The following HPSE2 variants were observed in gnomAD, a reference collection of about 807,000 sequenced individuals.
HPSE2 encodes inactive heparanase-2.
HPSE2 carries 38 observed loss-of-function variants against 60.5 expected under a neutral mutation model. The observed-to-expected ratio is 0.63, with a 90% CI of 0.48 to 0.82. The LOEUF is 0.82. Among genes scored for constraint, HPSE2 ranks in the 40% least tolerant of loss-of-function variants. HPSE2 has a pLI of 0.00. For missense variants in HPSE2, 713 were observed against 740.4 expected, an observed-to-expected ratio of 0.96 and a Z score of 0.43; for synonymous variants, 295 against 293.2, an observed-to-expected ratio of 1.01 and a Z score of -0.06.
At chr10:98,490,337 T>C in intron 9 of HPSE2, 141 bp from the exon 10 acceptor site, 1 of 1,066,624 alleles carries the variant, frequency 9.4e-7, no homozygotes, top group East Asian at 2.5e-5. Flanking sequence ...TCATGACCAA[T>C]GCAGCCCTAA....
chr10:98,486,013 C>T (rs1224678937), intron 10 of HPSE2, among the ~76,000 whole-genome samples: 2 of 152,106 alleles, frequency 1.3e-5, no homozygotes, highest in Non-Finnish European at 2.9e-5. Flanking sequence ...ACATAGTTCC[C>T]CTGGGGAAGA....
intron 3 of HPSE2, among the ~76,000 whole-genome samples, chr10:98,984,428 G>C (rs1337209634): frequency 2.0e-5 from 3 of 152,184 alleles, no homozygotes; most frequent in African/African-American, 7.2e-5. Context: ...TGCAGCTGAG[G>C]GTCCTGACTC....
chr10:98,739,731 T>C (rs1164768082), intron 4 of HPSE2, among the ~76,000 whole-genome samples: 1 of 152,216 alleles, frequency 6.6e-6, no homozygotes, highest in African/African-American at 2.4e-5. Context: ...TATGAATATA[T>C]AATATTGATT....
intron 3 of HPSE2, among the ~76,000 whole-genome samples, chr10:98,984,756 G>A (rs1190829399): frequency 6.6e-6 from 1 of 152,130 alleles, no homozygotes; most frequent in African/African-American, 2.4e-5. Context: ...AAGATTAGAG[G>A]AATGGCTAAC....
At position 98,935,839 on chromosome 10, in the gene HPSE2, G is replaced by A. The variant is rs376401665; in HGVS notation, c.611-191783C>T. ...TGTGCTGGGGGAAATCCCCCTCTTC[G>A]GAATCAGCCAATCTTTTCAGAGCCA... is the stretch of plus-strand genomic sequence containing the variant. On this transcript the variant is annotated intron_variant, in intron 3 of 11. Transcript: ENST00000370552. Among the ~76,000 whole-genome samples, 116 of 144,870 alleles carry A rather than the reference G, an allele frequency of 8.0e-4. 13 individuals are homozygous for A. In the East Asian group the frequency reaches 0.012, roughly 16 times the overall value.
At chr10:98,672,768 A>G (rs1366432748) in intron 6 of HPSE2, among the ~76,000 whole-genome samples, 1 of 152,214 alleles carries the variant, frequency 6.6e-6, no homozygotes. Flanking sequence ...GGAAAAATGT[A>G]AACAGCTCTT....
intron 5 of HPSE2, among the ~76,000 whole-genome samples, chr10:98,700,414 A>G (rs1165624517): frequency 7.0e-6 from 1 of 143,138 alleles, no homozygotes; most frequent in African/African-American, 2.5e-5. Flanking sequence ...TATTTAATAA[A>G]TGGTGCTGGG....
intron 3 of HPSE2, among the ~76,000 whole-genome samples, chr10:99,134,376 C>A (rs1845561843): frequency 6.6e-6 from 1 of 152,144 alleles, no homozygotes. Context: ...GAGAACACTA[C>A]AAAGATGCTC....
chr10:98,951,722 A>T (rs1244811438), intron 3 of HPSE2, among the ~76,000 whole-genome samples: 1 of 152,106 alleles, frequency 6.6e-6, no homozygotes, highest in Non-Finnish European at 1.5e-5. Flanking sequence ...TCATACTCAT[A>T]AGCTCCCCAA....
rs541920224 is a variant in HPSE2, at chr10:99,217,192, T to C, written c.448+15156A>G. ...CTCTTGCTACCATAAGTAGTAACAT[T>C]AGTATCTAGTAGCAAGCTTTGCTGT... is the stretch of plus-strand genomic sequence containing the variant. On this transcript the variant is annotated intron_variant, in intron 2 of 11. Coordinates refer to ENST00000370552, the MANE Select transcript of HPSE2 (RefSeq NM_021828.5). Among the ~76,000 whole-genome samples the C allele has an allele frequency of 4.4e-4, 66 of 150,554 alleles. 1 individual carries two copies. Among genetic ancestry groups the C allele is most frequent in the Middle Eastern group, 3.4e-3 (1 of 294 alleles).
chr10:99,307,759 A>C, the HPSE2 span, among the ~76,000 whole-genome samples: 1 of 151,830 alleles, frequency 6.6e-6, no homozygotes, highest in East Asian at 1.9e-4. Flanking sequence ...TGAATTTGAG[A>C]ATCTCTGAAT....
chr10:99,024,191 T>C (rs1957326683), intron 3 of HPSE2, among the ~76,000 whole-genome samples: 1 of 151,960 alleles, frequency 6.6e-6, no homozygotes. Flanking sequence ...AGCTGAAAAA[T>C]GCAATTGGTA....
chr10:99,075,842 C>T (rs1247480723), intron 3 of HPSE2, among the ~76,000 whole-genome samples: 1 of 152,074 alleles, frequency 6.6e-6, no homozygotes, highest in Non-Finnish European at 1.5e-5. Context: ...CCACTCTGCT[C>T]TCTTTTGGTT....
At chr10:98,706,699 G>A (rs1011622638) in intron 5 of HPSE2, among the ~76,000 whole-genome samples, 8 of 152,168 alleles carry the variant, frequency 5.3e-5, no homozygotes, top group African/African-American at 1.7e-4. Context: ...AACAGCATGA[G>A]CAAAACAAGG....
chr10:99,233,213 ACCAC>A (rs1025629248), intron 1 of HPSE2, among the ~76,000 whole-genome samples: 2 of 24,602 alleles, frequency 8.1e-5, no homozygotes, highest in Non-Finnish European at 1.5e-4. Context: ...CACCACCACC[ACCAC>A]CACACACACA....
At chr10:98,952,559 C>A (rs936258156) in intron 3 of HPSE2, among the ~76,000 whole-genome samples, 3 of 152,050 alleles carry the variant, frequency 2.0e-5, no homozygotes, top group African/African-American at 4.8e-5. Context: ...GTTGCTCTGG[C>A]CAAAGAAAAT....
At chr10:98,544,118 T>G (rs11189662) in intron 9 of HPSE2, among the ~76,000 whole-genome samples, 1 of 151,896 alleles carries the variant, frequency 6.6e-6, no homozygotes, top group Non-Finnish European at 1.5e-5. Context: ...AATAGAAATT[T>G]TAACAAACTG....
chr10:98,958,523 TATTAA>T (rs1429228129), intron 3 of HPSE2, among the ~76,000 whole-genome samples: 1 of 152,160 alleles, frequency 6.6e-6, no homozygotes, highest in East Asian at 1.9e-4. Flanking sequence ...AATTAGCACA[TATTAA>T]ATGAAATAAG....
intron 7 of HPSE2, among the ~76,000 whole-genome samples, chr10:98,623,358 T>C (rs1182487858): frequency 2.0e-5 from 3 of 152,030 alleles, no homozygotes; most frequent in Non-Finnish European, 1.5e-5. Context: ...AGGAGAGTGA[T>C]TGCTAATCAG....
Sources: gnomAD v4.1 joint callset for allele counts (sites outside exome capture counted in the v4.1 genomes callset) on GRCh38, gnomAD v4.1.1 for gene constraint, MANE v1.5 for transcripts, NCBI Gene and HGNC (gene_info 2026-07-23, HGNC 2026-07-21) for gene names.